Variants in PCDHA8 observed in about 807,000 individuals in gnomAD.
PCDHA8 encodes the protein protocadherin alpha 8.
In PCDHA8, 53 loss-of-function variants were observed where a neutral mutation model predicts 61.8. The observed-to-expected ratio is 0.86, with a 90% CI of 0.69 to 1.08. The LOEUF is 1.08. Ranked by LOEUF, PCDHA8 falls within the 50% of genes least tolerant of loss-of-function variation. The probability of loss-of-function intolerance (pLI) is 0.00; values close to 1 mark genes in which losing one functional copy is unlikely to be tolerated. For missense variants in PCDHA8, 1,293 were observed against 1,245.0 expected, an observed-to-expected ratio of 1.04 and a Z score of -0.58; for synonymous variants, 618 against 556.6, an observed-to-expected ratio of 1.11 and a Z score of -1.55.
At chr5:140,859,812 C>T (rs1238470034) in intron 1 of PCDHA8, 3 of 152,286 alleles carry the variant, frequency 2.0e-5, no homozygotes, top group African/African-American at 7.3e-5. Flanking sequence ...TAAGTTAATG[C>T]AGAGTTTAGA....
intron 3 of PCDHA8, among the ~76,000 whole-genome samples, chr5:140,994,538 A>G (rs1554254218): frequency 1.8e-5 from 2 of 111,930 alleles, no homozygotes; most frequent in African/African-American, 9.1e-5. Context: ...CCCCATCTCT[A>G]CAAAAAAAAT....
intron 1 of PCDHA8, chr5:140,870,818 C>A: frequency 6.2e-7 from 1 of 1,613,692 alleles, no homozygotes; most frequent in Non-Finnish European, 8.5e-7. Context: ...GCTGGCAGCG[C>A]GGGAGGCGCA....
intron 1 of PCDHA8, chr5:140,875,646 G>T (rs781973102): frequency 6.2e-7 from 1 of 1,613,722 alleles, no homozygotes; most frequent in Non-Finnish European, 8.5e-7. Context: ...AGCTGGCGGA[G>T]CTGGTGCCGC....
At chr5:140,883,575 GGGCCAC>G (rs1239547262) in intron 1 of PCDHA8, 1 of 1,613,954 alleles carries the variant, frequency 6.2e-7, no homozygotes, top group African/African-American at 1.3e-5. Flanking sequence ...CCTTCGCTGT[GGGCCAC>G]GGCCAGCGTG....
intron 1 of PCDHA8, chr5:140,966,542 G>A (rs926112867): frequency 3.7e-5 from 17 of 464,420 alleles, no homozygotes; most frequent in African/African-American, 1.8e-4. Flanking sequence ...GAGCGACTCG[G>A]AGGCGAGCGG....
At chr5:140,907,882 G>A (rs895415928) in intron 1 of PCDHA8, among the ~76,000 whole-genome samples, 1 of 152,168 alleles carries the variant, frequency 6.6e-6, no homozygotes, top group African/African-American at 2.4e-5. Flanking sequence ...GCACTCACAT[G>A]GGATACAAAT....
intron 1 of PCDHA8, among the ~76,000 whole-genome samples, chr5:140,894,932 A>G (rs2064735231): frequency 6.6e-6 from 1 of 152,184 alleles, no homozygotes; most frequent in Non-Finnish European, 1.5e-5. Flanking sequence ...ATTTCTATTC[A>G]GCTATTGTCA....
intron 1 of PCDHA8, among the ~76,000 whole-genome samples, chr5:140,855,276 C>T (rs991955993): frequency 1.3e-5 from 2 of 149,614 alleles, no homozygotes; most frequent in Non-Finnish European, 3.0e-5. Flanking sequence ...CACTCAACCA[C>T]CGTATTACTA....
At position 140,841,596 on chromosome 5, in the gene PCDHA8, G is replaced by T. The variant is rs2150318846; in HGVS notation, c.275G>T (p.Arg92Leu). 3.3e-5 allele frequency: 54 copies of T among 1,613,976 alleles called. No homozygotes were observed. Among genetic ancestry groups the T allele is most frequent in the South Asian group, 5.5e-5 (5 of 91,084 alleles). ...TTGTTTGTGAATTCTCGGATCGACC[G>T]CGAGGAGCTGTGCGGGCGGAGCGCG... The part of the protein sequence containing the change: ...GILFVNSRID[R>L]EELCGRSAEC... The change falls in exon 1 of 4, where the codon CGC (arginine) becomes CTC (leucine). Residue 92 changes from arginine (R) to leucine (L), a missense_variant. Arg to Leu is a moderately radical substitution (Grantham distance 102). Transcript: ENST00000531613.
chr5:140,941,202 C>CTTTCTGTCTTTCTTT (rs1554213921), intron 1 of PCDHA8, among the ~76,000 whole-genome samples: 1 of 122,742 alleles, frequency 8.1e-6, no homozygotes, highest in African/African-American at 3.0e-5. Context: ...TTTCTTTCTT[C>CTTTCTGTCTTTCTTT]CTTTCTTTCT....
chr5:140,895,170 T>C (rs2064890754), intron 1 of PCDHA8, among the ~76,000 whole-genome samples: 1 of 152,176 alleles, frequency 6.6e-6, no homozygotes, highest in Admixed American at 6.5e-5. Flanking sequence ...TCCAATCTAT[T>C]TGTAGTCCCT....
At chr5:140,980,616 G>A (rs2096898086) in intron 2 of PCDHA8, among the ~76,000 whole-genome samples, 4 of 151,912 alleles carry the variant, frequency 2.6e-5, no homozygotes, top group Admixed American at 2.0e-4. Context: ...GCGACAGTGC[G>A]AGACTCTGTC....
chr5:140,938,293 C>G (rs896897734), intron 1 of PCDHA8, among the ~76,000 whole-genome samples: 1 of 152,110 alleles, frequency 6.6e-6, no homozygotes, highest in African/African-American at 2.4e-5. Flanking sequence ...CTGTCATTGC[C>G]TATGAAATTC....
intron 1 of PCDHA8, chr5:140,877,291 C>T (rs527823173): frequency 6.2e-7 from 1 of 1,613,932 alleles, no homozygotes; most frequent in Non-Finnish European, 8.5e-7. Context: ...TAACGCTTGG[C>T]TGTCCTACGA....
intron 1 of PCDHA8, among the ~76,000 whole-genome samples, chr5:140,960,822 T>C (rs1225829114): frequency 4.6e-5 from 7 of 152,080 alleles, no homozygotes; most frequent in African/African-American, 1.7e-4. Context: ...AAGTGATGAA[T>C]GGAAACTTGG....
intron 1 of PCDHA8, chr5:140,877,326 G>A: frequency 1.9e-6 from 3 of 1,613,964 alleles, no homozygotes. Flanking sequence ...CGGTCGGCGC[G>A]CACATCCCGT....
intron 1 of PCDHA8, among the ~76,000 whole-genome samples, chr5:140,915,680 A>G (rs2077249777): frequency 6.6e-6 from 1 of 150,862 alleles, no homozygotes; most frequent in South Asian, 2.1e-4. Context: ...ATCTTGAACT[A>G]GGGGTATGGT....
chr5:140,965,331 G>T (rs2153743444), intron 1 of PCDHA8, among the ~76,000 whole-genome samples: 1 of 152,252 alleles, frequency 6.6e-6, no homozygotes, highest in Non-Finnish European at 1.5e-5. Context: ...AAGTGAATTT[G>T]TTGTCTCTGT....
intron 1 of PCDHA8, chr5:140,864,867 C>A (rs868913325): frequency 3.9e-5 from 6 of 152,058 alleles, no homozygotes; most frequent in South Asian, 2.1e-4. Context: ...AAGGGTGATA[C>A]CATTGTCTGT....
Sources: allele counts gnomAD v4.1 joint callset (sites outside exome capture counted in the v4.1 genomes callset), GRCh38; gene constraint gnomAD v4.1.1; transcripts MANE v1.5; gene names NCBI Gene and HGNC (gene_info 2026-07-23, HGNC 2026-07-21).